MRTFB: variants seen among roughly 807,000 people sequenced by gnomAD.
MRTFB encodes myocardin related transcription factor B.
Under a neutral mutation model 104.2 loss-of-function variants are expected in MRTFB, and 29 were observed. The observed-to-expected ratio is 0.28, with a 90% CI of 0.21 to 0.38. MRTFB has a LOEUF of 0.38. MRTFB is among the 10% of genes least tolerant of loss of function. The pLI is 1.00. For synonymous variants in MRTFB, 535 were observed against 519.5 expected (o/e 1.03, Z -0.41); for missense variants, 1,270 against 1,341.6 (o/e 0.95, Z 0.83).
In MRTFB at chr16:14,261,157, G is replaced by A. The variant is rs116802282; in HGVS notation, c.3013G>A (p.Asp1005Asn). 42 of 1,614,210 alleles carry A rather than the reference G, an allele frequency of 2.6e-5. No homozygotes were observed. The highest frequency in any genetic ancestry group is 3.3e-4 in the Middle Eastern group (2 of 6,062). ...TCCTCCACTACAAAGCAGCAGTGAAGACAGAGAGCCCTTCTCTCTGATCGA... is the reference window on the plus strand; with the variant it reads ...TCCTCCACTACAAAGCAGCAGTGAAAACAGAGAGCCCTTCTCTCTGATCGA... ...EIPPLQSSSE[D>N]REPFSLIEDL... Residue 1005 changes from aspartate (D) to asparagine (N), a missense_variant, in exon 17 of 17, where the codon GAC becomes AAC. Physicochemically the swap from Asp to Asn is conservative, Grantham distance 23. This residue lies in a region of MRTFB where 1,144 missense variants were observed against 1,131.5 expected (regional missense o/e 1.01). Transcript: ENST00000571589.
intron 3 of MRTFB, among the ~76,000 whole-genome samples, chr16:14,159,668 G>A (rs867242285): frequency 4.6e-5 from 7 of 152,112 alleles, no homozygotes; most frequent in African/African-American, 1.2e-4. Context: ...GGTGGCTCAC[G>A]CCTGTAATCC....
intron 16 of MRTFB, 151 bp from the exon 17 acceptor site, chr16:14,260,758 G>T: frequency 4.7e-6 from 3 of 637,848 alleles, no homozygotes; most frequent in Non-Finnish European, 5.3e-6. Flanking sequence ...GTCAAGGATT[G>T]TACCTGACCA....
chr16:14,200,655 A>G, intron 3 of MRTFB: 2 of 1,561,820 alleles, frequency 1.3e-6, no homozygotes. Context: ...GAAGATGGAA[A>G]GAGCCACTGG....
At chr16:14,113,797 AAGT>A (rs1264451928) in intron 2 of MRTFB, among the ~76,000 whole-genome samples, 3 of 152,154 alleles carry the variant, frequency 2.0e-5, no homozygotes, top group African/African-American at 7.2e-5. Flanking sequence ...TCCACAAAGA[AAGT>A]AGCAGTTATG....
chr16:14,212,252 G>A (rs577393240), intron 4 of MRTFB, 102 bp from the exon 5 acceptor site: 43 of 1,101,344 alleles, frequency 3.9e-5, no homozygotes, highest in Non-Finnish European at 5.4e-5. Flanking sequence ...TGGAACTGTA[G>A]TTGTGATCTG....
At chr16:14,075,870 T>C (rs765308501) in intron 1 of MRTFB, among the ~76,000 whole-genome samples, 5 of 152,206 alleles carry the variant, frequency 3.3e-5, no homozygotes, top group Admixed American at 6.5e-5. Context: ...TTTTGCTTCT[T>C]TTTGCGAGGT....
rs542670588 is a variant in MRTFB, at chr16:14,209,519, G to T, written c.155-724G>T. Among the ~76,000 whole-genome samples the T allele has an allele frequency of 5.3e-5, 8 of 152,146 alleles. No individual in the cohort carries two copies. The South Asian group carries it at 1.7e-3, about 32-fold the overall frequency. ...TAAAAATATGTAGATGCTTATAAAA[G>T]GAATCTGCTTGAGAAAACTAGAAAA... On this transcript the variant is annotated intron_variant, in intron 3 of 16. Coordinates refer to ENST00000571589, the MANE Select transcript of MRTFB (RefSeq NM_001308142.2).
At chr16:14,020,497 C>T in the MRTFB span, 2 of 152,040 alleles carry the variant, frequency 1.3e-5, no homozygotes, top group Non-Finnish European at 2.9e-5. Flanking sequence ...CCTGAAAATT[C>T]AAAGACCATC....
At chr16:14,209,207 T>A (rs974972729) in intron 3 of MRTFB, among the ~76,000 whole-genome samples, 10 of 152,206 alleles carry the variant, frequency 6.6e-5, no homozygotes, top group African/African-American at 2.4e-4. Flanking sequence ...TGCACTGCAT[T>A]TGAGCCTCTC....
rs781264934 is a variant in MRTFB at position 14,247,462 on chromosome 16, G to A, written c.2202G>A (p.Ser734=). Residue 734 remains serine (S), a synonymous_variant, in exon 12 of 17, where the codon TCG becomes TCA. Transcript: ENST00000571589. ...QLLLPVSIQG[S]SVTSVQLPVG... ...TGCTCCCAGTGTCCATCCAGGGCTC[G>A]AGTGTCACCTCAGTGCAACTCCCTG... 248 of 1,590,280 alleles carry A rather than the reference G, an allele frequency of 1.6e-4. 1 individual carries two copies. The East Asian group carries it at 4.4e-3, about 28-fold the overall frequency.
chr16:14,140,861 A>T, intron 3 of MRTFB, 101 bp downstream of exon 3: 1 of 1,379,050 alleles, frequency 7.3e-7, no homozygotes, highest in Non-Finnish European at 1.0e-6. Context: ...TCAGTTCAGC[A>T]GTCTGTCATG....
chr16:14,252,066 G>A (rs1281507254), intron 14 of MRTFB, 43 bp downstream of exon 14: 2 of 1,596,588 alleles, frequency 1.3e-6, no homozygotes, highest in East Asian at 4.5e-5. Context: ...TGCCGCAGGG[G>A]CATCAAATCA....
chr16:14,083,844 G>T (rs974939019), intron 2 of MRTFB, among the ~76,000 whole-genome samples: 1 of 152,042 alleles, frequency 6.6e-6, no homozygotes, highest in Non-Finnish European at 1.5e-5. Context: ...CCGCCATCTT[G>T]TACCACCTTC....
At chr16:13,997,792 CAAAAAAA>C in the MRTFB span, among the ~76,000 whole-genome samples, 83 of 90,744 alleles carry the variant, frequency 9.1e-4, no homozygotes, top group African/African-American at 3.3e-3. Flanking sequence ...GACCCTATCT[CAAAAAAA>C]AAAAAAAAAA....
At position 14,247,523 on chromosome 16, in the gene MRTFB, T is replaced by C; in HGVS notation, c.2247+16T>C. On this transcript the variant is annotated intron_variant, in intron 12 of 16. Coordinates refer to ENST00000571589, the MANE Select transcript of MRTFB (RefSeq NM_001308142.2). Reference sequence around the variant, plus strand: ...CAAACTCCAGGTGTGAAGTGTGTCTTCTAACTACTTTGCCTTACAGCATGC... The same window carrying C: ...CAAACTCCAGGTGTGAAGTGTGTCTCCTAACTACTTTGCCTTACAGCATGC... 1 of 1,532,372 alleles carries C rather than the reference T, an allele frequency of 6.5e-7. No homozygotes were observed. The highest frequency in any genetic ancestry group is 8.7e-7 in the Non-Finnish European group (1 of 1,143,784). 94.9% of individuals were successfully genotyped at this position (1,532,372 alleles called of 1,614,324 possible).
intron 2 of MRTFB, among the ~76,000 whole-genome samples, chr16:14,127,405 A>G (rs1300661606): frequency 1.3e-5 from 2 of 152,066 alleles, no homozygotes; most frequent in Non-Finnish European, 2.9e-5. Context: ...TTTGTCTTAC[A>G]CCAGAGGCGG....
At chr16:14,199,431 C>T (rs2040583672) in intron 3 of MRTFB, among the ~76,000 whole-genome samples, 1 of 152,184 alleles carries the variant, frequency 6.6e-6, no homozygotes, top group African/African-American at 2.4e-5. Context: ...CTGCCAAGAC[C>T]TTCTGAAATC....
intron 3 of MRTFB, among the ~76,000 whole-genome samples, chr16:14,207,679 C>T (rs1310217190): frequency 2.0e-5 from 3 of 152,170 alleles, no homozygotes; most frequent in Non-Finnish European, 4.4e-5. Flanking sequence ...CTAGAGAGGG[C>T]ATGGGAGCTC....
At chr16:14,260,011 A>G (rs2043697925) in intron 16 of MRTFB, among the ~76,000 whole-genome samples, 1 of 152,236 alleles carries the variant, frequency 6.6e-6, no homozygotes, top group African/African-American at 2.4e-5. Context: ...ATATAAATGA[A>G]ACCAATCATA....
Sources: allele counts gnomAD v4.1 joint callset (sites outside exome capture counted in the v4.1 genomes callset), GRCh38; gene constraint gnomAD v4.1.1; regional missense constraint gnomAD v4.1.1; transcripts MANE v1.5; gene names NCBI Gene and HGNC (gene_info 2026-07-23, HGNC 2026-07-21).